UAP1: variants seen among roughly 807,000 people sequenced by gnomAD.
UAP1 encodes UDP-N-acetylglucosamine pyrophosphorylase 1.
In UAP1, 25 loss-of-function variants were observed where a neutral mutation model predicts 58.5. That is an observed-to-expected ratio of 0.43 (90% CI 0.31 to 0.60). UAP1 has a LOEUF of 0.60. Among genes scored for constraint, UAP1 ranks in the 20% least tolerant of loss-of-function variants. The pLI is 0.11. For missense variants in UAP1, 575 were observed against 630.0 expected (o/e 0.91, Z 0.93); for synonymous variants, 208 against 213.0 (o/e 0.98, Z 0.21).
exon 2 of UAP1, chr1:162,566,149 A>C (rs1653481092): frequency 6.2e-7 from 1 of 1,613,880 alleles, no homozygotes; most frequent in South Asian, 1.1e-5. Flanking sequence ...AGCTTGAAGA[A>C]GCCCAACAGG....
intron 5 of UAP1, 68 bp from the exon 6 acceptor site, chr1:162,587,407 A>G (rs754199689): frequency 1.0e-5 from 15 of 1,430,832 alleles, no homozygotes; most frequent in African/African-American, 1.4e-5. Context: ...GTCATCTTTG[A>G]CAATGGCAAA....
chr1:162,583,125 C>T (rs906357300), intron 5 of UAP1, among the ~76,000 whole-genome samples: 1 of 149,674 alleles, frequency 6.7e-6, no homozygotes, highest in African/African-American at 2.5e-5. Flanking sequence ...TATAGGCACA[C>T]GCCTTCCACT....
At chr1:162,572,486 A>C (rs1653927036) in intron 2 of UAP1, among the ~76,000 whole-genome samples, 1 of 152,192 alleles carries the variant, frequency 6.6e-6, no homozygotes, top group African/African-American at 2.4e-5. Context: ...TTTTCAGGTC[A>C]GTTAGCTGAG....
intron 2 of UAP1, among the ~76,000 whole-genome samples, chr1:162,568,870 T>C (rs1213126682): frequency 6.6e-6 from 1 of 152,194 alleles, no homozygotes; most frequent in African/African-American, 2.4e-5. Context: ...AAGCCACAAT[T>C]AAGGTATCCT....
intron 5 of UAP1, among the ~76,000 whole-genome samples, chr1:162,583,146 CTTTTTTTTTTTTTT>C (rs11376471): frequency 1.5e-5 from 1 of 68,044 alleles, no homozygotes; most frequent in African/African-American, 6.2e-5. Context: ...TGGTGTCACT[CTTTTTTTTTTTTTT>C]TTTTTTTTTT....
intron 9 of UAP1, among the ~76,000 whole-genome samples, chr1:162,596,011 C>G (rs1033043771): frequency 6.6e-6 from 1 of 151,700 alleles, no homozygotes; most frequent in East Asian, 1.9e-4. Context: ...GCCTCCAAGC[C>G]CAGCTAATTT....
intron 9 of UAP1, among the ~76,000 whole-genome samples, chr1:162,597,048 CAG>C (rs1655660019): frequency 6.6e-6 from 1 of 152,162 alleles, no homozygotes; most frequent in African/African-American, 2.4e-5. Context: ...CTTTTGGTAA[CAG>C]AGAAGTACTT....
intron 8 of UAP1, 107 bp downstream of exon 8, chr1:162,590,618 A>G (rs1655244862): frequency 3.2e-6 from 3 of 923,284 alleles, no homozygotes; most frequent in African/African-American, 3.4e-5. Flanking sequence ...TTTAAAAAGC[A>G]AAGTTTTGAT....
At chr1:162,592,849 T>C (rs1488636193) in intron 9 of UAP1, 67 bp downstream of exon 9, 1 of 1,416,120 alleles carries the variant, frequency 7.1e-7, no homozygotes, top group East Asian at 2.5e-5. Flanking sequence ...CTAACTGGCA[T>C]CGTAGTTTAG....
intron 3 of UAP1, among the ~76,000 whole-genome samples, chr1:162,577,800 T>C (rs569821839): frequency 1.3e-5 from 2 of 152,126 alleles, no homozygotes; most frequent in East Asian, 3.9e-4. Flanking sequence ...TTAGTAGAGA[T>C]GGAGTTTCAC....
downstream of UAP1, among the ~76,000 whole-genome samples, chr1:162,600,904 G>A (rs1655871650): frequency 1.3e-5 from 2 of 152,118 alleles, no homozygotes. Flanking sequence ...GATACTAATG[G>A]TATGATCCGT....
exon 8 of UAP1, chr1:162,590,342 G>C: frequency 1.2e-6 from 2 of 1,612,192 alleles, no homozygotes; most frequent in Non-Finnish European, 1.7e-6. Context: ...GGTATATGAA[G>C]TATTGCGAGA....
At chr1:162,576,733 G>A in intron 2 of UAP1, 44 bp from the exon 3 acceptor site, 1 of 1,551,498 alleles carries the variant, frequency 6.4e-7, no homozygotes, top group Non-Finnish European at 8.9e-7. Flanking sequence ...ATACTAAAGT[G>A]TTGAATTGTA....
intron 5 of UAP1, 129 bp downstream of exon 5, chr1:162,581,588 T>G (rs1013771745): frequency 2.5e-5 from 24 of 959,938 alleles, no homozygotes; most frequent in Non-Finnish European, 3.1e-5. Flanking sequence ...CTAAAGTAAC[T>G]AAACGGTCCC....
intron 2 of UAP1, among the ~76,000 whole-genome samples, chr1:162,572,663 T>G (rs1206279207): frequency 1.3e-5 from 2 of 152,238 alleles, no homozygotes; most frequent in Non-Finnish European, 2.9e-5. Flanking sequence ...GGCACTTCTT[T>G]TGAAGATGTT....
At chr1:162,597,660 A>G (rs907273687) in intron 9 of UAP1, 132 bp from the exon 10 acceptor site, 5 of 670,408 alleles carry the variant, frequency 7.5e-6, no homozygotes, top group Non-Finnish European at 1.3e-5. Context: ...TCATCAGGGT[A>G]GCATCTATTC....
At chr1:162,587,357 TC>T in intron 5 of UAP1, 117 bp from the exon 6 acceptor site, 2 of 894,686 alleles carry the variant, frequency 2.2e-6, no homozygotes, top group Admixed American at 5.2e-5. Flanking sequence ...TAAAGATTCT[TC>T]TTGGCTTTAT....
chr1:162,592,313 C>T (rs1030101365), intron 8 of UAP1, among the ~76,000 whole-genome samples: 4 of 152,094 alleles, frequency 2.6e-5, no homozygotes, highest in South Asian at 4.1e-4. Context: ...TGCTTGAACC[C>T]GGGAGGGAGA....
chr1:162,566,454 C>G, intron 2 of UAP1, 106 bp downstream of exon 2: 1 of 1,186,458 alleles, frequency 8.4e-7, no homozygotes, highest in Non-Finnish European at 1.2e-6. Flanking sequence ...CTACATTAAA[C>G]CAGGTGACCT....
Sources: allele counts gnomAD v4.1 joint callset (sites outside exome capture counted in the v4.1 genomes callset), GRCh38; gene constraint gnomAD v4.1.1; transcripts MANE v1.5; gene names NCBI Gene and HGNC (gene_info 2026-07-23, HGNC 2026-07-21).